Variants in SPON1 observed in about 807,000 individuals in gnomAD.
SPON1 encodes the protein spondin-1.
In SPON1, 52 loss-of-function variants were observed where a neutral mutation model predicts 111.7. The observed-to-expected ratio is 0.47, with a 90% confidence interval of 0.37 to 0.59. The LOEUF is 0.59. Among genes scored for constraint, SPON1 ranks in the 20% least tolerant of loss-of-function variants. The pLI, the probability that SPON1 is intolerant of heterozygous loss-of-function variation, is 0.00. For missense variants in SPON1, 957 were observed against 1,068.5 expected, an observed-to-expected ratio of 0.90 and a Z score of 1.46; for synonymous variants, 410 against 395.8, an observed-to-expected ratio of 1.04 and a Z score of -0.43.
chr11:14,182,756 A>G (rs530160413), intron 6 of SPON1, among the ~76,000 whole-genome samples: 1 of 152,316 alleles, frequency 6.6e-6, no homozygotes, highest in Admixed American at 6.5e-5. Context: ...CATATAGACT[A>G]TCAGTGACCC....
At chr11:14,039,420 G>C (rs1848617151) in intron 2 of SPON1, among the ~76,000 whole-genome samples, 1 of 152,072 alleles carries the variant, frequency 6.6e-6, no homozygotes, top group African/African-American at 2.4e-5. Context: ...GAGGGAGACT[G>C]TGTGTGTGTA....
chr11:14,059,637 AG>A (rs1848775145), intron 3 of SPON1, among the ~76,000 whole-genome samples: 1 of 152,208 alleles, frequency 6.6e-6, no homozygotes, highest in African/African-American at 2.4e-5. Context: ...CTTTGGAACC[AG>A]GCTGCATTTC....
intron 2 of SPON1, among the ~76,000 whole-genome samples, chr11:13,990,698 G>A (rs966061732): frequency 1.3e-5 from 2 of 151,738 alleles, no homozygotes; most frequent in African/African-American, 2.4e-5. Context: ...ATATTTTTGC[G>A]GTGGCTGATA....
intron 6 of SPON1, among the ~76,000 whole-genome samples, chr11:14,236,847 C>A (rs1013867104): frequency 1.3e-5 from 2 of 152,210 alleles, no homozygotes; most frequent in Non-Finnish European, 1.5e-5. Context: ...TGGGCACTGA[C>A]TTTGGCTTTG....
At chr11:14,186,996 G>T (rs567750384) in intron 6 of SPON1, among the ~76,000 whole-genome samples, 1 of 152,294 alleles carries the variant, frequency 6.6e-6, no homozygotes, top group South Asian at 2.1e-4. Context: ...ATAAAGAAAA[G>T]ATATTTATTT....
At chr11:14,199,393 C>T (rs531207213) in intron 6 of SPON1, among the ~76,000 whole-genome samples, 1 of 152,126 alleles carries the variant, frequency 6.6e-6, no homozygotes, top group East Asian at 1.9e-4. Context: ...CCTTCACCCC[C>T]ACAACAGTTG....
At chr11:14,056,414 A>G (rs1848744777) in intron 3 of SPON1, among the ~76,000 whole-genome samples, 1 of 152,204 alleles carries the variant, frequency 6.6e-6, no homozygotes, top group African/African-American at 2.4e-5. Context: ...TTAGGACAAA[A>G]ACTGTACATT....
chr11:14,254,426 ACT>A, intron 7 of SPON1, 100 bp from the exon 8 acceptor site: 1 of 1,059,534 alleles, frequency 9.4e-7, no homozygotes, highest in Non-Finnish European at 1.3e-6. Flanking sequence ...GAATGTGGAT[ACT>A]CTCTGTCCCT....
intron 2 of SPON1, among the ~76,000 whole-genome samples, chr11:14,011,686 G>A (rs1366392719): frequency 3.3e-5 from 5 of 152,178 alleles, no homozygotes; most frequent in Admixed American, 1.3e-4. Context: ...CTGTAGGCAC[G>A]TAGAGGGAGG....
chr11:14,058,653 T>A (rs1461024820), intron 3 of SPON1, among the ~76,000 whole-genome samples: 1 of 152,178 alleles, frequency 6.6e-6, no homozygotes, highest in Non-Finnish European at 1.5e-5. Context: ...AATGTTCCTC[T>A]TTTTCTGTAC....
At chr11:14,208,461 A>G (rs1012684313) in intron 6 of SPON1, among the ~76,000 whole-genome samples, 4 of 152,106 alleles carry the variant, frequency 2.6e-5, no homozygotes, top group African/African-American at 7.2e-5. Context: ...TTCACTTCTC[A>G]TATTTTTATG....
chr11:14,171,505 G>A (rs1263900895), intron 6 of SPON1, among the ~76,000 whole-genome samples: 3 of 152,124 alleles, frequency 2.0e-5, no homozygotes, highest in African/African-American at 7.2e-5. Flanking sequence ...GTTCTGCTCT[G>A]ATTTTAGTTA....
chr11:14,173,788 G>A (rs12578079), intron 6 of SPON1, among the ~76,000 whole-genome samples: 27,007 of 152,158 alleles, frequency 0.18, 2,531 homozygotes, highest in Admixed American at 0.24. Context: ...TGTCAGCAGT[G>A]GTGGCTGCAG....
chr11:13,989,443 T>C lies in SPON1; in HGVS notation c.345+6490T>C, dbSNP rs1460471826. Among the ~76,000 whole-genome samples, 10 of 152,338 alleles carry C rather than the reference T, an allele frequency of 6.6e-5. No homozygotes were observed. In the East Asian group the frequency reaches 1.9e-3, roughly 29 times the overall value. On this transcript the variant is annotated intron_variant, in intron 2 of 15. Coordinates refer to ENST00000576479, the MANE Select transcript of SPON1 (RefSeq NM_006108.4). ...ATCTATTGATTCTACTCTCTTTTCT[T>C]TATTAGTCTGGCTAGCAGTCTATCT...
chr11:14,018,738 A>G (rs1554914537), intron 2 of SPON1, among the ~76,000 whole-genome samples: 1 of 152,104 alleles, frequency 6.6e-6, no homozygotes, highest in African/African-American at 2.4e-5. Flanking sequence ...AATTAGGGAG[A>G]GTGTAGCACA....
At chr11:14,234,287 G>A (rs1848838156) in intron 6 of SPON1, among the ~76,000 whole-genome samples, 1 of 152,160 alleles carries the variant, frequency 6.6e-6, no homozygotes, top group South Asian at 2.1e-4. Context: ...ACCTTCTGCT[G>A]TGGCCCCCTT....
At chr11:14,191,798 GT>G (rs1848349939) in intron 6 of SPON1, among the ~76,000 whole-genome samples, 1 of 152,178 alleles carries the variant, frequency 6.6e-6, no homozygotes, top group South Asian at 2.1e-4. Context: ...AGCTGTAATG[GT>G]CAGACAAGAG....
At chr11:14,258,606 A>G (rs1175631840) in intron 11 of SPON1, among the ~76,000 whole-genome samples, 1 of 143,324 alleles carries the variant, frequency 7.0e-6, no homozygotes, top group Non-Finnish European at 1.6e-5. Flanking sequence ...TATGGCAGGG[A>G]AAAAAACCAC....
chr11:14,177,515 C>T lies in SPON1; in HGVS notation c.825+41947C>T, dbSNP rs185376424. On this transcript the variant is annotated intron_variant, in intron 6 of 15. Transcript: ENST00000576479. ...TTGATCTGGGTGGGGCCAGCTGGTC[C>T]ATCAAGTGCAGGGTCTGCAAAATAT... 2.6e-5 allele frequency among the ~76,000 whole-genome samples: 4 copies of T among 152,220 alleles called. No individual in the cohort carries two copies. In the East Asian group the frequency reaches 7.7e-4, roughly 29 times the overall value.
Sources: gnomAD v4.1 joint callset for allele counts (sites outside exome capture counted in the v4.1 genomes callset) on GRCh38, gnomAD v4.1.1 for gene constraint, MANE v1.5 for transcripts, NCBI Gene and HGNC (gene_info 2026-07-23, HGNC 2026-07-21) for gene names.